Variants in PCDH15 observed in about 807,000 individuals in gnomAD.
PCDH15 encodes protocadherin-15.
PCDH15 carries 129 observed loss-of-function variants against 178.5 expected under a neutral mutation model. The observed-to-expected ratio is 0.72, with a 90% CI of 0.63 to 0.84. PCDH15 has a LOEUF of 0.84. Among genes scored for constraint, PCDH15 ranks in the 40% least tolerant of loss-of-function variants. The pLI, the probability that PCDH15 is intolerant of heterozygous loss-of-function variation, is 0.00. For synonymous variants in PCDH15, 800 were observed against 732.0 expected (o/e 1.09, Z -1.50); for missense variants, 2,230 against 2,099.9 (o/e 1.06, Z -1.21).
chr10:54,486,941 G>A (rs1459402102), intron 3 of PCDH15, among the ~76,000 whole-genome samples: 1 of 151,966 alleles, frequency 6.6e-6, no homozygotes. Context: ...TGATCTGGGA[G>A]GAAGGTGAGT....
In PCDH15 at chr10:54,646,631, T is replaced by C. The variant is rs75280272; in HGVS notation, c.91+17541A>G. On this transcript the variant is annotated intron_variant, in intron 2 of 37. Transcript: ENST00000644397. ...TGTGGCAGCATGATAGGGATTGTAT[T>C]GGATCAGTAGGGCAGTATTAACAAT... 4.6e-5 allele frequency among the ~76,000 whole-genome samples: 7 copies of C among 152,156 alleles called. No individual in the cohort carries two copies. The East Asian group carries it at 9.7e-4, about 21-fold the overall frequency.
chr10:54,482,472 G>T (rs2078788732), intron 3 of PCDH15, among the ~76,000 whole-genome samples: 2 of 151,784 alleles, frequency 1.3e-5, no homozygotes, highest in Admixed American at 6.6e-5. Flanking sequence ...TTTATTATGA[G>T]TAGGTAAGTA....
intron 10 of PCDH15, among the ~76,000 whole-genome samples, chr10:54,199,957 G>A (rs2050063556): frequency 6.6e-6 from 1 of 151,364 alleles, no homozygotes; most frequent in African/African-American, 2.4e-5. Context: ...ACACCATTTT[G>A]TTACTTTGGA....
intron 3 of PCDH15, among the ~76,000 whole-genome samples, chr10:54,494,153 G>A (rs2079887459): frequency 6.6e-6 from 1 of 151,462 alleles, no homozygotes; most frequent in Admixed American, 6.6e-5. Context: ...GAGTTAATGG[G>A]TGCAGCACAC....
chr10:54,537,457 G>A (rs943934014), intron 2 of PCDH15, among the ~76,000 whole-genome samples: 2 of 151,914 alleles, frequency 1.3e-5, no homozygotes, highest in African/African-American at 2.4e-5. Flanking sequence ...AAAACCTGTC[G>A]AAGACACAAG....
At chr10:55,354,630 T>C (rs1242813635) in intron 2 of PCDH15, among the ~76,000 whole-genome samples, 1 of 152,076 alleles carries the variant, frequency 6.6e-6, no homozygotes, top group Non-Finnish European at 1.5e-5. Flanking sequence ...TATTCCTGAC[T>C]TACTGACTTA....
At position 55,507,388 on chromosome 10, in the gene PCDH15, G is replaced by A. The variant is rs546545331; in HGVS notation, c.-156+120237C>T. On this transcript the variant is annotated intron_variant, in intron 2 of 5. Coordinates refer to the PCDH15 transcript ENST00000613346. ...CATACACATACACAAACACACACACGCACACATACACACACATAAACTAGC... is the reference window on the plus strand; with the variant it reads ...CATACACATACACAAACACACACACACACACATACACACACATAAACTAGC... Among the ~76,000 whole-genome samples the A allele has an allele frequency of 1.6e-3, 243 of 150,510 alleles. 1 individual carries two copies. Among genetic ancestry groups the A allele is most frequent in the African/African-American group, 5.1e-3 (210 of 41,188 alleles).
rs150858737 is a variant in PCDH15 at position 54,082,747 on chromosome 10, A to G, written c.1998-3323T>C. Reference sequence around the variant, plus strand: ...AGCAAAGGAAAAAATAGATATACTGAACTTCGTCAAAATAAAAAAAAAAAA... The same window carrying G: ...AGCAAAGGAAAAAATAGATATACTGGACTTCGTCAAAATAAAAAAAAAAAA... On this transcript the variant is annotated intron_variant, in intron 16 of 37. Coordinates refer to ENST00000644397, the MANE Select transcript of PCDH15 (RefSeq NM_001384140.1). 7.1e-5 allele frequency among the ~76,000 whole-genome samples: 8 copies of G among 113,350 alleles called. No individual in the cohort carries two copies. In the East Asian group the frequency reaches 1.8e-3, roughly 26 times the overall value. 74.4% of individuals were successfully genotyped at this position (113,350 alleles called of 152,430 possible).
chr10:54,544,603 C>A (rs535304872), intron 2 of PCDH15, among the ~76,000 whole-genome samples: 2 of 152,232 alleles, frequency 1.3e-5, no homozygotes, highest in Admixed American at 6.5e-5. Context: ...ATATATCATA[C>A]ATTTTGCCAA....
At chr10:55,378,010 G>C (rs1837440485) in intron 2 of PCDH15, among the ~76,000 whole-genome samples, 1 of 152,070 alleles carries the variant, frequency 6.6e-6, no homozygotes, top group South Asian at 2.1e-4. Context: ...TGAACAATGA[G>C]AACACATGGA....
intron 2 of PCDH15, among the ~76,000 whole-genome samples, chr10:54,991,473 A>C (rs1318429468): frequency 6.6e-6 from 1 of 152,182 alleles, no homozygotes; most frequent in Non-Finnish European, 1.5e-5. Context: ...AATAGACATA[A>C]ACTTGAAACT....
intron 3 of PCDH15, among the ~76,000 whole-genome samples, chr10:54,430,303 C>G (rs1409537085): frequency 1.3e-5 from 2 of 152,012 alleles, no homozygotes; most frequent in East Asian, 3.9e-4. Flanking sequence ...GATCCGCCAG[C>G]CTCAGCCTAC....
chr10:54,022,630 TA>T (rs931293996), intron 19 of PCDH15, among the ~76,000 whole-genome samples: 6 of 152,114 alleles, frequency 3.9e-5, no homozygotes, highest in African/African-American at 1.4e-4. Flanking sequence ...TTTTGTAAAT[TA>T]AAAAACTATT....
chr10:55,375,422 G>A (rs1284262752), intron 2 of PCDH15, among the ~76,000 whole-genome samples: 4 of 151,898 alleles, frequency 2.6e-5, no homozygotes, highest in Non-Finnish European at 5.9e-5. Context: ...TCCTGTAATC[G>A]TGGTTTATTT....
chr10:55,496,147 C>A (rs766979517), intron 2 of PCDH15, among the ~76,000 whole-genome samples: 3 of 151,636 alleles, frequency 2.0e-5, no homozygotes, highest in African/African-American at 7.3e-5. Context: ...TTGGCTTGTA[C>A]ATTTTAAATG....
chr10:54,150,840 A>T lies in PCDH15; in HGVS notation c.1784+2260T>A, dbSNP rs537169177. On this transcript the variant is annotated intron_variant, in intron 14 of 37. Coordinates refer to ENST00000644397, the MANE Select transcript of PCDH15 (RefSeq NM_001384140.1). ...CTTGATAGGATTTCTCAAAAAGAAA[A>T]GTACAGACTAATTTTATTAAATAAA... is the stretch of plus-strand genomic sequence containing the variant. Among the ~76,000 whole-genome samples, 7 of 152,216 alleles carry T rather than the reference A, an allele frequency of 4.6e-5. No individual in the cohort carries two copies. The South Asian group carries it at 1.4e-3, about 32-fold the overall frequency.
Position 55,334,308 on chromosome 10 carries a change from A to AT in PCDH15, c.-155-167658dup, listed in dbSNP as rs1196675486. ...TGTATGTGTATATATCTATATATAT[A>AT]TATATATTTTTTTTTTGAGACAGAG... On this transcript the variant is annotated intron_variant, in intron 2 of 5. Transcript: ENST00000613346. 2.0e-3 allele frequency among the ~76,000 whole-genome samples: 245 copies of AT among 122,092 alleles called. 7 individuals carry two copies. Among genetic ancestry groups the AT allele is most frequent in the East Asian group, 0.016 (67 of 4,266 alleles). 80.1% of individuals were successfully genotyped at this position (122,092 alleles called of 152,430 possible). A position where few individuals can be genotyped will look rare whatever the true frequency, so the allele number is the denominator to read the frequency against.
chr10:53,985,100 G>A (rs997388370), intron 21 of PCDH15, among the ~76,000 whole-genome samples: 82 of 152,240 alleles, frequency 5.4e-4, no homozygotes, highest in Middle Eastern at 3.4e-3. Context: ...CTGCCTCACA[G>A]ACCCATAAAT....
intron 2 of PCDH15, among the ~76,000 whole-genome samples, chr10:54,960,876 A>G (rs1352356380): frequency 6.6e-6 from 1 of 152,226 alleles, no homozygotes; most frequent in Non-Finnish European, 1.5e-5. Context: ...GGTGTATTCC[A>G]GAATAACAGA....
Sources: gnomAD v4.1 joint callset for allele counts (sites outside exome capture counted in the v4.1 genomes callset) on GRCh38, gnomAD v4.1.1 for gene constraint, MANE v1.5 for transcripts, NCBI Gene and HGNC (gene_info 2026-07-23, HGNC 2026-07-21) for gene names.